The following PCSK5 variants were observed in gnomAD, a reference collection of about 807,000 sequenced individuals.
PCSK5 encodes prohormone convertase 5.
Under a neutral mutation model 233.2 loss-of-function variants are expected in PCSK5, and 129 were observed. That is an observed-to-expected ratio of 0.55 (90% CI 0.48 to 0.64). PCSK5 has a LOEUF of 0.64. PCSK5 is among the 30% of genes least tolerant of loss of function. The pLI, the probability that PCSK5 is intolerant of heterozygous loss-of-function variation, is 0.00. For synonymous variants in PCSK5, 825 were observed against 879.2 expected (o/e 0.94, Z 1.09); for missense variants, 2,076 against 2,430.1 (o/e 0.85, Z 3.06).
At chr9:76,137,413 A>G (rs956025856) in intron 10 of PCSK5, among the ~76,000 whole-genome samples, 3 of 152,188 alleles carry the variant, frequency 2.0e-5, no homozygotes, top group Non-Finnish European at 4.4e-5. Context: ...TGGCACCTTA[A>G]TTTTCAACAA....
rs1051264303 is a variant in PCSK5 at position 76,169,698 on chromosome 9, T to G, written c.1620-6T>G. ...TCGCACATAACAATGTTTTGTTCAC[T>G]TTCAGGCTATTTGATCACTCCATGG... On this transcript the variant is annotated splice_region_variant and splice_polypyrimidine_tract_variant and intron_variant, in intron 12 of 37. Transcript: ENST00000674117. The G allele has an allele frequency of 6.2e-7, 1 of 1,612,824 alleles. No individual in the cohort carries two copies. The highest frequency in any genetic ancestry group is 1.3e-5 in the African/African-American group (1 of 75,000).
Position 76,232,071 on chromosome 9 carries a change from C to T in PCSK5, c.2730-1389C>T, listed in dbSNP as rs541549194. Among the ~76,000 whole-genome samples, 8 of 152,256 alleles carry T rather than the reference C, an allele frequency of 5.3e-5. No individual in the cohort carries two copies. In the East Asian group the frequency reaches 1.5e-3, roughly 29 times the overall value. ...ACATACTATTCAGGATGCCTTGTCC[C>T]ACCCAACCTTCTTCCAAACCTGGGA... On this transcript the variant is annotated intron_variant, in intron 21 of 37. Transcript: ENST00000674117.
At chr9:75,999,295 G>A (rs1017784568) in intron 3 of PCSK5, among the ~76,000 whole-genome samples, 6 of 152,056 alleles carry the variant, frequency 3.9e-5, no homozygotes, top group Middle Eastern at 3.4e-3. Flanking sequence ...GGAGTCGGTC[G>A]GGAGACCCTA....
At chr9:76,249,664 G>A (rs1826738909) in intron 24 of PCSK5, among the ~76,000 whole-genome samples, 1 of 152,164 alleles carries the variant, frequency 6.6e-6, no homozygotes, top group Non-Finnish European at 1.5e-5. Context: ...TAAACAGGAT[G>A]AGCCTGCAGC....
chr9:75,983,173 T>C (rs1050760630), intron 2 of PCSK5, among the ~76,000 whole-genome samples: 1 of 152,216 alleles, frequency 6.6e-6, no homozygotes, highest in Non-Finnish European at 1.5e-5. Flanking sequence ...TATAATACTT[T>C]TTAATATCTA....
At chr9:76,248,185 C>T (rs1178173079) in intron 24 of PCSK5, among the ~76,000 whole-genome samples, 1 of 152,138 alleles carries the variant, frequency 6.6e-6, no homozygotes, top group Non-Finnish European at 1.5e-5. Flanking sequence ...CCATTTCGGC[C>T]TCACAAAGTG....
intron 2 of PCSK5, among the ~76,000 whole-genome samples, chr9:75,968,335 C>A (rs1416603888): frequency 6.6e-6 from 1 of 152,208 alleles, no homozygotes; most frequent in African/African-American, 2.4e-5. Flanking sequence ...TCACAGGGTC[C>A]TGTTATATCG....
intron 2 of PCSK5, among the ~76,000 whole-genome samples, chr9:75,972,781 C>T (rs1449713927): frequency 6.6e-6 from 1 of 152,046 alleles, no homozygotes; most frequent in African/African-American, 2.4e-5. Flanking sequence ...TTTGGGCTGT[C>T]TCTCTCCTAT....
Position 76,068,054 on chromosome 9 carries a change from C to G in PCSK5, c.721+11C>G, listed in dbSNP as rs1167045688. ...ACGCCAAGATCGGAGGTATGGGAAACCAACTCACGTGGATGTAGAAATGCG... is the reference window on the plus strand; with the variant it reads ...ACGCCAAGATCGGAGGTATGGGAAAGCAACTCACGTGGATGTAGAAATGCG... On this transcript the variant is annotated intron_variant, in intron 6 of 37. Coordinates refer to ENST00000674117, the MANE Select transcript of PCSK5 (RefSeq NM_001372043.1). 6.3e-7 allele frequency: 1 copy of G among 1,599,310 alleles called. No homozygotes were observed. The highest frequency in any genetic ancestry group is 1.7e-5 in the Admixed American group (1 of 59,980).
chr9:76,227,586 A>G lies in PCSK5; in HGVS notation c.2710A>G (p.Thr904Ala), dbSNP rs1175432268. Residue 904 changes from threonine (T) to alanine (A), a missense_variant, in exon 21 of 38, where the codon ACT (threonine) becomes GCT (alanine). By Grantham distance (58) the Thr-to-Ala change is moderately conservative. Transcript: ENST00000674117. Reference protein sequence around the residue: ...KCQGPTQEDCTTCPMTRIFDD... With the variant: ...KCQGPTQEDCATCPMTRIFDD... ...CCAGGGACCAACCCAGGAAGACTGC[A>G]CTACCTGCCCCATGACAAGGTAAGT... The G allele has an allele frequency of 6.2e-7, 1 of 1,609,962 alleles. No homozygotes were observed. The highest frequency in any genetic ancestry group is 1.3e-5 in the African/African-American group (1 of 74,894).
In PCSK5 at chr9:75,964,181, C is replaced by G. The variant is rs1342713296; in HGVS notation, c.298-21951C>G. 2.0e-5 allele frequency among the ~76,000 whole-genome samples: 3 copies of G among 151,984 alleles called. No individual in the cohort carries two copies. The East Asian group carries it at 5.8e-4, about 29-fold the overall frequency. On this transcript the variant is annotated intron_variant, in intron 2 of 37. Coordinates refer to ENST00000674117, the MANE Select transcript of PCSK5 (RefSeq NM_001372043.1). ...TTTTTTTTCCTCAAGAGAACATGCTCAATTGTGTATATGGGTTCAAGAAGG... is the reference window on the plus strand; with the variant it reads ...TTTTTTTTCCTCAAGAGAACATGCTGAATTGTGTATATGGGTTCAAGAAGG...
intron 10 of PCSK5, among the ~76,000 whole-genome samples, chr9:76,143,390 C>T (rs1423579658): frequency 1.3e-5 from 2 of 152,098 alleles, no homozygotes; most frequent in Non-Finnish European, 2.9e-5. Flanking sequence ...TTTGGAGCCG[C>T]TGCGGTGATT....
At chr9:76,282,085 G>T (rs1309926274) in intron 24 of PCSK5, among the ~76,000 whole-genome samples, 5 of 99,322 alleles carry the variant, frequency 5.0e-5, no homozygotes, top group Admixed American at 1.1e-4. Flanking sequence ...TCCCCACTCT[G>T]TTGCCCAGGC....
chr9:76,123,558 A>G (rs1832728534), intron 9 of PCSK5, among the ~76,000 whole-genome samples: 1 of 152,088 alleles, frequency 6.6e-6, no homozygotes, highest in Non-Finnish European at 1.5e-5. Context: ...CATTTTTGTT[A>G]ATTATTTTTT....
intron 1 of PCSK5, among the ~76,000 whole-genome samples, chr9:75,906,075 A>C (rs912191577): frequency 6.6e-6 from 1 of 152,204 alleles, no homozygotes; most frequent in African/African-American, 2.4e-5. Flanking sequence ...GGAGGAGACA[A>C]GCCATAATCC....
chr9:75,995,916 A>C (rs1827001872), intron 3 of PCSK5, among the ~76,000 whole-genome samples: 1 of 151,982 alleles, frequency 6.6e-6, no homozygotes, highest in Non-Finnish European at 1.5e-5. Context: ...AGTAATCATA[A>C]TTTTCTGTGA....
chr9:76,087,656 G>A (rs1182390256), intron 7 of PCSK5, among the ~76,000 whole-genome samples: 1 of 152,212 alleles, frequency 6.6e-6, no homozygotes, highest in Non-Finnish European at 1.5e-5. Flanking sequence ...AGGAAGCACA[G>A]AAAATGGATT....
At chr9:76,137,829 A>G (rs1823044995) in intron 10 of PCSK5, among the ~76,000 whole-genome samples, 1 of 152,112 alleles carries the variant, frequency 6.6e-6, no homozygotes, top group Non-Finnish European at 1.5e-5. Context: ...TTGCAATGCC[A>G]GAAGGTGACT....
chr9:76,202,346 CCA>C (rs766340873), intron 20 of PCSK5, among the ~76,000 whole-genome samples: 26 of 152,212 alleles, frequency 1.7e-4, no homozygotes, highest in Non-Finnish European at 2.9e-4. Flanking sequence ...CCCCATCTGT[CCA>C]CAGTCATGTG....
Sources: gnomAD v4.1 joint callset for allele counts (sites outside exome capture counted in the v4.1 genomes callset) on GRCh38, gnomAD v4.1.1 for gene constraint, MANE v1.5 for transcripts, NCBI Gene and HGNC (gene_info 2026-07-23, HGNC 2026-07-21) for gene names.